AGBL4: variants seen among roughly 807,000 people sequenced by gnomAD.
The protein encoded by AGBL4 is AGBL carboxypeptidase 4.
In AGBL4, 58 loss-of-function variants were observed where a neutral mutation model predicts 66.4. The ratio of observed to expected loss-of-function variants is 0.87; its 90% CI spans 0.71 to 1.09. AGBL4 has a LOEUF of 1.09. Among genes scored for constraint, AGBL4 ranks in the 50% least tolerant of loss-of-function variants. AGBL4 has a pLI of 0.00. For synonymous variants in AGBL4, 234 were observed against 222.9 expected (o/e 1.05, Z -0.44); for missense variants, 579 against 631.0 (o/e 0.92, Z 0.88).
intron 4 of AGBL4, among the ~76,000 whole-genome samples, chr1:49,104,255 T>A (rs1645254235): frequency 1.3e-5 from 2 of 152,240 alleles, no homozygotes; most frequent in African/African-American, 4.8e-5. Flanking sequence ...TATCACCCTG[T>A]ACCTGGATTA....
chr1:49,486,487 C>T (rs943025917), intron 3 of AGBL4, among the ~76,000 whole-genome samples: 1 of 151,972 alleles, frequency 6.6e-6, no homozygotes, highest in Non-Finnish European at 1.5e-5. Flanking sequence ...ATCCCTCAAC[C>T]TGCTATGGCA....
chr1:48,662,703 T>C (rs932696083), intron 7 of AGBL4, among the ~76,000 whole-genome samples: 1 of 152,206 alleles, frequency 6.6e-6, no homozygotes, highest in African/African-American at 2.4e-5. Flanking sequence ...ATTTCAAAAG[T>C]TGTTTAAGTG....
intron 4 of AGBL4, among the ~76,000 whole-genome samples, chr1:49,140,375 G>C (rs1243229338): frequency 1.3e-5 from 2 of 152,214 alleles, no homozygotes; most frequent in Admixed American, 1.3e-4. Flanking sequence ...TCAGAAGCCA[G>C]GCCCTTCTCC....
At chr1:49,526,412 C>T (rs1370916681) in intron 3 of AGBL4, among the ~76,000 whole-genome samples, 1 of 152,006 alleles carries the variant, frequency 6.6e-6, no homozygotes, top group African/African-American at 2.4e-5. Flanking sequence ...AACTTCTAAA[C>T]TGTGACCAGA....
chr1:49,166,099 T>C (rs549526271), intron 4 of AGBL4, among the ~76,000 whole-genome samples: 72 of 152,254 alleles, frequency 4.7e-4, no homozygotes, highest in African/African-American at 1.7e-3. Flanking sequence ...ATTTAACAAC[T>C]AAATAATATA....
chr1:49,527,311 T>A (rs1292331822), intron 3 of AGBL4: 1 of 151,844 alleles, frequency 6.6e-6, no homozygotes, highest in Admixed American at 6.6e-5. Context: ...CATCCAGTCA[T>A]CAAGCCCATG....
At chr1:49,929,764 CTT>C (rs977913747) in intron 1 of AGBL4, among the ~76,000 whole-genome samples, 1 of 151,940 alleles carries the variant, frequency 6.6e-6, no homozygotes, top group Non-Finnish European at 1.5e-5. Flanking sequence ...ATTATCTAAA[CTT>C]ATCTTAAAAT....
At chr1:48,935,820 G>C (rs12031488) in intron 5 of AGBL4, among the ~76,000 whole-genome samples, 3 of 151,222 alleles carry the variant, frequency 2.0e-5, no homozygotes, top group African/African-American at 2.4e-5. Context: ...TCAGCTGGGC[G>C]TGGTAGCAGG....
At chr1:49,529,293 T>C (rs575505779) in intron 3 of AGBL4, among the ~76,000 whole-genome samples, 1 of 152,098 alleles carries the variant, frequency 6.6e-6, no homozygotes, top group African/African-American at 2.4e-5. Flanking sequence ...TAAGAAAAAA[T>C]TTGAAAAGAC....
Position 49,259,965 on chromosome 1 carries a change from C to G in AGBL4, c.283-14101G>C, listed in dbSNP as rs1349510343. On this transcript the variant is annotated intron_variant, in intron 3 of 13. Coordinates refer to ENST00000371839, the MANE Select transcript of AGBL4 (RefSeq NM_032785.4). ...AGATTATAACAAACTGTCTCTCAGA[C>G]CACAGTGCAATCAAACTAGAACTCA... Among the ~76,000 whole-genome samples the G allele has an allele frequency of 6.1e-4, 92 of 152,052 alleles. 3 individuals carry two copies. In the South Asian group the frequency reaches 0.018, roughly 29 times the overall value.
intron 3 of AGBL4, among the ~76,000 whole-genome samples, chr1:49,319,761 C>G (rs1645099717): frequency 6.6e-6 from 1 of 152,110 alleles, no homozygotes; most frequent in African/African-American, 2.4e-5. Flanking sequence ...GGCCTTCCTG[C>G]TGAGTCATCA....
rs76347594 is a variant in AGBL4, at chr1:49,460,538, C to A, written c.283-214674G>T. On this transcript the variant is annotated intron_variant, in intron 3 of 13. Transcript: ENST00000371839. ...GAAACTTGGTTGGTGAATTCTTATC[C>A]ATTTTGCCATTTTGTATTGGCATTT... Among the ~76,000 whole-genome samples the A allele has an allele frequency of 3.6e-3, 543 of 151,760 alleles. 1 individual carries two copies. Among genetic ancestry groups the A allele is most frequent in the African/African-American group, 0.012 (504 of 41,448 alleles).
In AGBL4 at chr1:48,901,689, C is replaced by T. The variant is rs913386001; in HGVS notation, c.595-34459G>A. ...CTGTATAATTCTGTTTATGTAAAATCTAGAAAATGCAAACTATAGTGACAG... is the reference window on the plus strand; with the variant it reads ...CTGTATAATTCTGTTTATGTAAAATTTAGAAAATGCAAACTATAGTGACAG... On this transcript the variant is annotated intron_variant, in intron 5 of 13. Transcript: ENST00000371839. Among the ~76,000 whole-genome samples, 5 of 151,942 alleles carry T rather than the reference C, an allele frequency of 3.3e-5. No homozygotes were observed. The East Asian group carries it at 9.6e-4, about 29-fold the overall frequency.
chr1:48,743,540 A>G (rs1650265497), intron 6 of AGBL4, among the ~76,000 whole-genome samples: 1 of 152,220 alleles, frequency 6.6e-6, no homozygotes, highest in Non-Finnish European at 1.5e-5. Context: ...TGACTTGATT[A>G]ACTTTTGTGG....
intron 9 of AGBL4, among the ~76,000 whole-genome samples, chr1:48,612,718 A>G (rs529329053): frequency 7.9e-5 from 12 of 152,398 alleles, no homozygotes; most frequent in African/African-American, 2.6e-4. Context: ...AAATATTTGT[A>G]TTAAAAGAGG....
intron 1 of AGBL4, among the ~76,000 whole-genome samples, chr1:49,981,339 A>G (rs1197173225): frequency 6.6e-6 from 1 of 152,176 alleles, no homozygotes; most frequent in Non-Finnish European, 1.5e-5. Flanking sequence ...AATAATACCA[A>G]AAGGAATGCC....
At chr1:49,160,506 C>T (rs1314349993) in intron 4 of AGBL4, among the ~76,000 whole-genome samples, 1 of 152,108 alleles carries the variant, frequency 6.6e-6, no homozygotes, top group Non-Finnish European at 1.5e-5. Flanking sequence ...GGAGGTGTCT[C>T]CCAGTCAGGA....
At chr1:49,592,043 T>G (rs1035743714) in intron 3 of AGBL4, among the ~76,000 whole-genome samples, 2 of 152,118 alleles carry the variant, frequency 1.3e-5, no homozygotes, top group South Asian at 4.1e-4. Context: ...AATTTCATGA[T>G]GAAGACTCCA....
chr1:48,682,952 G>A (rs187979306), intron 6 of AGBL4, among the ~76,000 whole-genome samples: 9 of 152,296 alleles, frequency 5.9e-5, no homozygotes, highest in African/African-American at 1.9e-4. Context: ...TTATGGATGA[G>A]AGAAACCATG....
Sources: gnomAD v4.1 joint callset for allele counts (sites outside exome capture counted in the v4.1 genomes callset) on GRCh38, gnomAD v4.1.1 for gene constraint, MANE v1.5 for transcripts, NCBI Gene and HGNC (gene_info 2026-07-23, HGNC 2026-07-21) for gene names.